The following CCNY variants were observed in gnomAD, a reference collection of about 807,000 sequenced individuals.
The protein encoded by CCNY is cyclin Y, also known as cyclin-Y.
CCNY carries 19 observed loss-of-function variants against 42.8 expected under a neutral mutation model. The ratio of observed to expected loss-of-function variants is 0.44; its 90% CI spans 0.31 to 0.65. The LOEUF is 0.65. Among genes scored for constraint, CCNY ranks in the 30% least tolerant of loss-of-function variants. The pLI is 0.07. For synonymous variants in CCNY, 165 were observed against 162.7 expected (o/e 1.01, Z -0.11); for missense variants, 370 against 437.3 (o/e 0.85, Z 1.37).
chr10:35,287,356 A>G (rs1404972333), intron 3 of CCNY, among the ~76,000 whole-genome samples: 2 of 152,202 alleles, frequency 1.3e-5, no homozygotes, highest in Admixed American at 1.3e-4. Context: ...TAATTTACAT[A>G]TAATATAAAG....
At chr10:35,534,948 G>GATAC (rs1840849679) in intron 7 of CCNY, among the ~76,000 whole-genome samples, 2 of 142,104 alleles carry the variant, frequency 1.4e-5, no homozygotes, top group African/African-American at 5.7e-5. Context: ...ATTGAGTGGG[G>GATAC]ATACATACAC....
intron 2 of CCNY, among the ~76,000 whole-genome samples, chr10:35,490,583 G>T (rs1006631088): frequency 1.3e-5 from 2 of 152,178 alleles, no homozygotes; most frequent in Non-Finnish European, 2.9e-5. Context: ...GGGGTCTAAC[G>T]CCTGAAGAGG....
chr10:35,372,312 G>T (rs144136893), intron 1 of CCNY, among the ~76,000 whole-genome samples: 2 of 152,194 alleles, frequency 1.3e-5, no homozygotes, highest in Admixed American at 6.5e-5. Context: ...AATTTAATGC[G>T]TTAGCAGTGC....
chr10:35,414,278 C>A (rs111248441), intron 1 of CCNY, among the ~76,000 whole-genome samples: 1,927 of 152,266 alleles, frequency 0.013, 36 homozygotes, highest in East Asian at 0.056. Context: ...TGGGGAGGAT[C>A]CCCTTCCAAG....
intron 2 of CCNY, among the ~76,000 whole-genome samples, chr10:35,495,602 C>G (rs1401618087): frequency 6.6e-6 from 1 of 152,194 alleles, no homozygotes; most frequent in East Asian, 1.9e-4. Context: ...TGTCACGTTC[C>G]TCTGTGCCCA....
rs550186177 is a variant in CCNY, at chr10:35,407,928, G to A, written c.154+70721G>A. On this transcript the variant is annotated intron_variant, in intron 1 of 9. Coordinates refer to ENST00000374704, the MANE Select transcript of CCNY (RefSeq NM_145012.6). ...GGTGAATAATCAGAGAGGCGTCCTC[G>A]CAATGATTAAACACCAAGGGAAGTC... Among the ~76,000 whole-genome samples, 10 of 152,276 alleles carry A rather than the reference G, an allele frequency of 6.6e-5. No homozygotes were observed. In the East Asian group the frequency reaches 1.4e-3, roughly 21 times the overall value.
Position 35,318,374 on chromosome 10 carries a change from C to G in CCNY, c.-9+67748C>G, listed in dbSNP as rs534564407. On this transcript the variant is annotated intron_variant, in intron 3 of 11. Transcript: ENST00000374706. ...CAACTGTGGGCCTTACAACTGAGAA[C>G]TGAGTAGCGAATTTTAATTTAGTCC... 5.9e-5 allele frequency among the ~76,000 whole-genome samples: 9 copies of G among 152,216 alleles called. No homozygotes were observed. The South Asian group carries it at 1.7e-3, about 28-fold the overall frequency.
intron 1 of CCNY, among the ~76,000 whole-genome samples, chr10:35,440,447 A>G (rs142307649): frequency 1.9e-4 from 29 of 152,304 alleles, no homozygotes; most frequent in African/African-American, 7.0e-4. Flanking sequence ...GATGAGATGT[A>G]AGAGAACAGG....
chr10:35,557,513 T>C (rs1841383659), intron 8 of CCNY, among the ~76,000 whole-genome samples: 1 of 152,118 alleles, frequency 6.6e-6, no homozygotes, highest in Admixed American at 6.5e-5. Flanking sequence ...TCCCAACACT[T>C]TGGGAGGCCG....
chr10:35,465,110 TTC>T (rs1220995325), intron 1 of CCNY, among the ~76,000 whole-genome samples: 1 of 152,216 alleles, frequency 6.6e-6, no homozygotes, highest in East Asian at 1.9e-4. Context: ...TTCCTTTTCT[TTC>T]CTTAAGTTGT....
intron 1 of CCNY, among the ~76,000 whole-genome samples, chr10:35,374,771 A>T (rs186783240): frequency 6.6e-6 from 1 of 152,226 alleles, no homozygotes; most frequent in African/African-American, 2.4e-5. Context: ...AAGTAGCTAC[A>T]TATGTTAAAG....
intron 4 of CCNY, among the ~76,000 whole-genome samples, chr10:35,521,938 A>C (rs912085292): frequency 6.6e-6 from 1 of 152,166 alleles, no homozygotes; most frequent in Non-Finnish European, 1.5e-5. Context: ...GGAACCTGAA[A>C]AGAGACCAGA....
chr10:35,465,155 A>G (rs1432489419), intron 1 of CCNY, among the ~76,000 whole-genome samples: 1 of 151,926 alleles, frequency 6.6e-6, no homozygotes, highest in Non-Finnish European at 1.5e-5. Flanking sequence ...TCATTCTTTT[A>G]TGTTCCTTTC....
intron 2 of CCNY, among the ~76,000 whole-genome samples, chr10:35,494,870 C>T (rs1437104178): frequency 2.6e-5 from 4 of 152,196 alleles, no homozygotes; most frequent in African/African-American, 9.7e-5. Flanking sequence ...AAAGGATACA[C>T]ATCAGAATAT....
intron 3 of CCNY, among the ~76,000 whole-genome samples, chr10:35,263,381 A>T (rs1400028956): frequency 6.7e-6 from 1 of 150,284 alleles, no homozygotes. Flanking sequence ...AAAAAAAAAA[A>T]AAATTAAAAA....
intron 1 of CCNY, among the ~76,000 whole-genome samples, chr10:35,456,657 T>C (rs909669313): frequency 2.6e-5 from 4 of 152,248 alleles, no homozygotes; most frequent in African/African-American, 9.6e-5. Flanking sequence ...TCCTTGTGTC[T>C]GAGGTGACCC....
intron 3 of CCNY, among the ~76,000 whole-genome samples, chr10:35,277,831 G>T (rs1016773971): frequency 6.6e-6 from 1 of 152,056 alleles, no homozygotes; most frequent in Non-Finnish European, 1.5e-5. Context: ...TTTCCTCAGA[G>T]ACCTGGGTTT....
At chr10:35,469,693 CAG>C (rs1839345769) in intron 1 of CCNY, among the ~76,000 whole-genome samples, 1 of 144,250 alleles carries the variant, frequency 6.9e-6, no homozygotes, top group African/African-American at 2.6e-5. Context: ...AGGGAGAAGA[CAG>C]GGAGATAGGG....
rs141614447 is a variant in CCNY at position 35,533,870 on chromosome 10, T to C, written c.579+3627T>C. On this transcript the variant is annotated intron_variant, in intron 7 of 9. Coordinates refer to ENST00000374704, the MANE Select transcript of CCNY (RefSeq NM_145012.6). Reference sequence around the variant, plus strand: ...TCATAATGAATGCTCAGTAAGTATTTGTTGAACATGTAGTGAGCACAGTAA... The same window carrying C: ...TCATAATGAATGCTCAGTAAGTATTCGTTGAACATGTAGTGAGCACAGTAA... 6.2e-3 allele frequency among the ~76,000 whole-genome samples: 948 copies of C among 152,336 alleles called. 3 individuals carry two copies. Among genetic ancestry groups the C allele is most frequent in the Middle Eastern group, 0.024 (7 of 294 alleles).
Sources: gnomAD v4.1 joint callset for allele counts (sites outside exome capture counted in the v4.1 genomes callset) on GRCh38, gnomAD v4.1.1 for gene constraint, MANE v1.5 for transcripts, NCBI Gene and HGNC (gene_info 2026-07-23, HGNC 2026-07-21) for gene names.